The following PRKCE variants were observed in gnomAD, a reference collection of about 807,000 sequenced individuals.
PRKCE encodes the protein protein kinase C epsilon.
A neutral mutation model predicts 85.4 loss-of-function variants in PRKCE; 16 were observed. The observed-to-expected ratio is 0.19, with a 90% CI of 0.13 to 0.28. PRKCE has a LOEUF of 0.28. PRKCE is among the 10% of genes least tolerant of loss of function. The pLI is 1.00. For missense variants in PRKCE, 573 were observed against 975.2 expected (o/e 0.59, Z 5.49); for synonymous variants, 388 against 371.5 (o/e 1.04, Z -0.51).
intron 6 of PRKCE, among the ~76,000 whole-genome samples, chr2:45,991,877 G>A (rs1044284057): frequency 1.3e-5 from 2 of 152,080 alleles, no homozygotes; most frequent in Admixed American, 1.3e-4. Context: ...GGTGAGCTTG[G>A]GATTCTAGTT....
rs1317060390 is a variant in PRKCE at position 46,139,673 on chromosome 2, T to C, written c.1593-5420T>C. ...TACAGAATATATAGAGGAACATATA[T>C]ATATATATGCGTATATATATGTGTG... On this transcript the variant is annotated intron_variant, in intron 11 of 14. Coordinates refer to ENST00000306156, the MANE Select transcript of PRKCE (RefSeq NM_005400.3). The surrounding 1 kb of genome is among the most constrained non-coding windows in gnomAD (Gnocchi z 5.2). Among the ~76,000 whole-genome samples the C allele has an allele frequency of 2.0e-5, 3 of 149,706 alleles. No homozygotes were observed. The highest frequency in any genetic ancestry group is 7.6e-5 in the African/African-American group (3 of 39,290).
At chr2:45,772,839 T>A (rs1484200436) in intron 1 of PRKCE, among the ~76,000 whole-genome samples, 1 of 152,020 alleles carries the variant, frequency 6.6e-6, no homozygotes, top group South Asian at 2.1e-4. Context: ...ATTCTTAGCA[T>A]GGAAAGGCAT....
chr2:46,170,372 C>T (rs1375060), intron 14 of PRKCE, among the ~76,000 whole-genome samples: 148,975 of 152,372 alleles, frequency 0.98, 72,834 homozygotes, highest in East Asian at 1. Context: ...AACTTTAGTA[C>T]GGAAATTTCC....
rs66793925 is a variant in PRKCE at position 45,655,353 on chromosome 2, ATT to A, written c.348+2918_348+2919del. ...CCTAAAACGTTATAAGTTTTTTTGC[ATT>A]TTTTTTTTTTTTAGCTTATCAGCTA... On this transcript the variant is annotated intron_variant, in intron 1 of 14. Coordinates refer to ENST00000306156, the MANE Select transcript of PRKCE (RefSeq NM_005400.3). Among the ~76,000 whole-genome samples the A allele has an allele frequency of 8.2e-4, 119 of 145,142 alleles. 2 individuals are homozygous for A. The highest frequency in any genetic ancestry group is 8.1e-3 in the South Asian group (37 of 4,594).
At chr2:45,777,760 C>T (rs776106239) in intron 1 of PRKCE, among the ~76,000 whole-genome samples, 25 of 152,100 alleles carry the variant, frequency 1.6e-4, no homozygotes, top group Non-Finnish European at 3.1e-4. Flanking sequence ...CCCCACACTC[C>T]TAATCACAGC....
At chr2:46,048,792 A>G (rs1708679304) in intron 10 of PRKCE, among the ~76,000 whole-genome samples, 1 of 152,086 alleles carries the variant, frequency 6.6e-6, no homozygotes, top group Non-Finnish European at 1.5e-5. Context: ...TGAGCTCAGA[A>G]CCTTCACCAG....
intron 2 of PRKCE, among the ~76,000 whole-genome samples, chr2:45,921,362 G>A (rs78011580): frequency 0.064 from 9,695 of 152,300 alleles, 572 homozygotes; most frequent in East Asian, 0.28. Flanking sequence ...AAACACATAC[G>A]TAGATATAGT....
At chr2:46,078,172 C>T (rs1668719929) in intron 10 of PRKCE, 1 of 152,126 alleles carries the variant, frequency 6.6e-6, no homozygotes, top group Admixed American at 6.5e-5. Context: ...TTCCAATCCA[C>T]CTTGAACTCT....
At chr2:46,052,280 A>G (rs1708903643) in intron 10 of PRKCE, among the ~76,000 whole-genome samples, 1 of 152,156 alleles carries the variant, frequency 6.6e-6, no homozygotes, top group South Asian at 2.1e-4. Flanking sequence ...TACTAGAACT[A>G]ATAAAAGAGT....
At chr2:45,702,209 A>G (rs1489921169) in intron 1 of PRKCE, among the ~76,000 whole-genome samples, 1 of 152,150 alleles carries the variant, frequency 6.6e-6, no homozygotes, top group Non-Finnish European at 1.5e-5. Flanking sequence ...CAACAACAAA[A>G]AACAATACAA....
rs1005768692 is a variant in PRKCE at position 46,139,487 on chromosome 2, A to G, written c.1593-5606A>G. Among the ~76,000 whole-genome samples the G allele has an allele frequency of 6.6e-6, 1 of 152,158 alleles. No individual in the cohort carries two copies. Among genetic ancestry groups the G allele is most frequent in the Admixed American group, 6.5e-5 (1 of 15,268 alleles). ...TCCATTGCAATTAACACATAAACCC[A>G]AAACAACTGTGCTCTAAATAAGATA... On this transcript the variant is annotated intron_variant, in intron 11 of 14. Coordinates refer to ENST00000306156, the MANE Select transcript of PRKCE (RefSeq NM_005400.3). The surrounding 1 kb of genome is among the most constrained non-coding windows in gnomAD (Gnocchi z 5.2).
chr2:46,124,794 G>A (rs893279611), intron 11 of PRKCE, among the ~76,000 whole-genome samples: 3 of 152,218 alleles, frequency 2.0e-5, no homozygotes, highest in African/African-American at 7.2e-5. Context: ...CTTAGTCACT[G>A]TGGGGAATGA....
At chr2:45,873,767 G>A (rs1186735723) in intron 2 of PRKCE, among the ~76,000 whole-genome samples, 1 of 152,190 alleles carries the variant, frequency 6.6e-6, no homozygotes, top group Non-Finnish European at 1.5e-5. Flanking sequence ...TGTTCCCTGA[G>A]AGCAGTCCTC....
intron 1 of PRKCE, among the ~76,000 whole-genome samples, chr2:45,659,993 C>G (rs1675563630): frequency 6.6e-6 from 1 of 152,132 alleles, no homozygotes; most frequent in Non-Finnish European, 1.5e-5. Context: ...AAAACAGTGC[C>G]TGGCACTTTG....
intron 1 of PRKCE, among the ~76,000 whole-genome samples, chr2:45,812,920 A>C (rs933155851): frequency 7.9e-5 from 12 of 152,240 alleles, no homozygotes; most frequent in African/African-American, 2.9e-4. Flanking sequence ...TGGAGTGGAC[A>C]TGTTTGAATT....
chr2:46,018,299 G>A (rs1159963351), intron 10 of PRKCE, among the ~76,000 whole-genome samples: 4 of 152,120 alleles, frequency 2.6e-5, no homozygotes, highest in African/African-American at 4.8e-5. Context: ...ATCATGGGGC[G>A]CCATGCTGCC....
chr2:45,653,395 T>TTTTTTC (rs1675232174), intron 1 of PRKCE, among the ~76,000 whole-genome samples: 2 of 135,064 alleles, frequency 1.5e-5, no homozygotes, highest in East Asian at 2.1e-4. Flanking sequence ...TTTTTTTTTT[T>TTTTTTC]CTCTCTTCTT....
chr2:46,032,549 C>T (rs542462777), intron 10 of PRKCE, among the ~76,000 whole-genome samples: 8 of 152,234 alleles, frequency 5.3e-5, no homozygotes, highest in Admixed American at 4.6e-4. Flanking sequence ...TTAAAGTCTA[C>T]CGTGTTTTTT....
intron 2 of PRKCE, among the ~76,000 whole-genome samples, chr2:45,917,182 G>C (rs955220658): frequency 6.6e-6 from 1 of 152,180 alleles, no homozygotes; most frequent in Admixed American, 6.5e-5. Flanking sequence ...CAATCCCTGA[G>C]CTAGACACAA....
Sources: allele counts gnomAD v4.1 joint callset (sites outside exome capture counted in the v4.1 genomes callset), GRCh38; gene constraint gnomAD v4.1.1; non-coding constraint Gnocchi (gnomAD v3.1); transcripts MANE v1.5; gene names NCBI Gene and HGNC (gene_info 2026-07-23, HGNC 2026-07-21).